The following KLHL13 variants were observed in gnomAD, a reference collection of about 807,000 sequenced individuals.
The protein encoded by KLHL13 is kelch like family member 13, also known as kelch-like protein 13.
A neutral mutation model predicts 37.1 loss-of-function variants in KLHL13; 10 were observed. That is an observed-to-expected ratio of 0.27 (90% CI 0.17 to 0.46). The LOEUF (loss-of-function observed/expected upper bound fraction) is 0.46. Among genes scored for constraint, KLHL13 ranks in the 20% least tolerant of loss-of-function variants. The pLI, the probability that KLHL13 is intolerant of heterozygous loss-of-function variation, is 1.00. For missense variants in KLHL13, 360 were observed against 509.3 expected, an observed-to-expected ratio of 0.71 and a Z score of 2.82; for synonymous variants, 163 against 181.2, an observed-to-expected ratio of 0.90 and a Z score of 0.81.
Position 118,067,758 on chromosome X carries a change from C to T in KLHL13, c.-56+48750G>A, listed in dbSNP as rs911892482. Among the ~76,000 whole-genome samples, 4 of 110,939 alleles carry T rather than the reference C, an allele frequency of 3.6e-5. No individual in the cohort carries two copies. In the Admixed American group the frequency reaches 3.9e-4, roughly 11 times the overall value. Reference sequence around the variant, plus strand: ...ACTGGAAGGTCTTCAGGGGCAATAACGTGCATGGAGCTGTCATCTCCTATG... The same window carrying T: ...ACTGGAAGGTCTTCAGGGGCAATAATGTGCATGGAGCTGTCATCTCCTATG... On this transcript the variant is annotated intron_variant, in intron 1 of 6. Transcript: ENST00000371882.
intron 1 of KLHL13, among the ~76,000 whole-genome samples, chrX:118,091,556 G>C (rs1222703308): frequency 3.6e-5 from 4 of 110,970 alleles, no homozygotes; most frequent in Non-Finnish European, 3.8e-5. Flanking sequence ...AAAAATCAGT[G>C]AACTGTAAAA....
At chrX:118,032,085 G>A (rs1336333984) in intron 1 of KLHL13, among the ~76,000 whole-genome samples, 1 of 111,361 alleles carries the variant, frequency 9.0e-6, no homozygotes, top group African/African-American at 3.3e-5. Flanking sequence ...TGGCTCAGAG[G>A]GTCCTAGGCC....
chrX:118,095,908 C>G (rs1716897916), intron 1 of KLHL13, among the ~76,000 whole-genome samples: 2 of 111,748 alleles, frequency 1.8e-5, no homozygotes, highest in Admixed American at 1.9e-4. Flanking sequence ...ATACCAGAAT[C>G]TCTGGGACAC....
At chrX:118,029,313 A>C (rs947526025) in intron 1 of KLHL13, among the ~76,000 whole-genome samples, 3 of 111,669 alleles carry the variant, frequency 2.7e-5, no homozygotes, top group Non-Finnish European at 5.6e-5. Context: ...CAGGGAACAC[A>C]ATTTTAGAAT....
intron 1 of KLHL13, among the ~76,000 whole-genome samples, chrX:118,020,319 C>T (rs923948148): frequency 9.0e-6 from 1 of 111,558 alleles, no homozygotes; most frequent in African/African-American, 3.3e-5. Context: ...TATAAGAATA[C>T]TTGTGATTTT....
intron 1 of KLHL13, among the ~76,000 whole-genome samples, chrX:118,103,096 A>G (rs2055308237): frequency 8.9e-6 from 1 of 112,072 alleles, no homozygotes; most frequent in Non-Finnish European, 1.9e-5. Context: ...AAAAGGTAGC[A>G]TCATACATAT....
At chrX:118,110,035 T>C (rs1335973474) in intron 1 of KLHL13, among the ~76,000 whole-genome samples, 1 of 111,020 alleles carries the variant, frequency 9.0e-6, no homozygotes, top group Non-Finnish European at 1.9e-5. Context: ...AATACACCAA[T>C]TGTGTATTGG....
At chrX:118,046,898 A>T (rs1483627597) in intron 1 of KLHL13, among the ~76,000 whole-genome samples, 1 of 111,981 alleles carries the variant, frequency 8.9e-6, no homozygotes, top group Non-Finnish European at 1.9e-5. Context: ...ACTTGATTTA[A>T]CAATTATAAT....
At chrX:118,076,329 T>C (rs1195064748) in intron 1 of KLHL13, among the ~76,000 whole-genome samples, 1 of 111,877 alleles carries the variant, frequency 8.9e-6, no homozygotes, top group African/African-American at 3.2e-5. Flanking sequence ...ACAAGATAAA[T>C]TATTATACAC....
At chrX:117,965,357 C>A (rs1325076165) in intron 1 of KLHL13, among the ~76,000 whole-genome samples, 1 of 111,999 alleles carries the variant, frequency 8.9e-6, no homozygotes, top group Non-Finnish European at 1.9e-5. Flanking sequence ...AGCATTTTTT[C>A]ATGTGTCTTT....
intron 2 of KLHL13, among the ~76,000 whole-genome samples, chrX:117,923,813 T>C (rs1311343534): frequency 8.9e-6 from 1 of 111,871 alleles, no homozygotes; most frequent in African/African-American, 3.2e-5. Flanking sequence ...GGAGCTTTTA[T>C]TCTTTTCACA....
intron 1 of KLHL13, 90 bp downstream of exon 1, chrX:118,116,418 C>A (rs147637409): frequency 0.04 from 4,546 of 112,846 alleles, 230 homozygotes; most frequent in African/African-American, 0.14. Flanking sequence ...TGGTACAGAT[C>A]GCAACTCCTC....
intron 1 of KLHL13, among the ~76,000 whole-genome samples, chrX:117,999,018 A>G (rs1262910301): frequency 2.7e-5 from 3 of 111,216 alleles, no homozygotes; most frequent in African/African-American, 9.8e-5. Context: ...CACCATTGTC[A>G]AAGTACTTCC....
chrX:117,939,989 T>G (rs1932936408), intron 2 of KLHL13, among the ~76,000 whole-genome samples: 1 of 112,076 alleles, frequency 8.9e-6, no homozygotes, highest in Admixed American at 9.5e-5. Flanking sequence ...CCATTGCTTT[T>G]GGTGTGTTAG....
rs6646035 is a variant in KLHL13, at chrX:118,026,089, A to T, written c.-55-80514T>A. On this transcript the variant is annotated intron_variant, in intron 1 of 6. Coordinates refer to the KLHL13 transcript ENST00000371882. ...AGGCACCCATCATGTTATTTCTCTA[A>T]TTGGATTATTATGGAAAATTCCTTC... Among the ~76,000 whole-genome samples, 780 of 111,301 alleles carry T rather than the reference A, an allele frequency of 7.0e-3. 6 individuals are homozygous for T. The highest frequency in any genetic ancestry group is 0.022 in the African/African-American group (688 of 30,691).
intron 2 of KLHL13, among the ~76,000 whole-genome samples, chrX:117,941,191 A>G (rs1330606104): frequency 8.9e-6 from 1 of 111,788 alleles, no homozygotes; most frequent in Non-Finnish European, 1.9e-5. Context: ...TTCTGCATCT[A>G]TTGAGAAAAT....
chrX:117,953,563 A>T (rs1162698251), intron 1 of KLHL13, among the ~76,000 whole-genome samples: 1 of 111,074 alleles, frequency 9.0e-6, no homozygotes, highest in Non-Finnish European at 1.9e-5. Flanking sequence ...TAGTAATAAA[A>T]TAAAATAAAA....
At chrX:118,026,408 C>G (rs1025110382) in intron 1 of KLHL13, among the ~76,000 whole-genome samples, 2 of 110,984 alleles carry the variant, frequency 1.8e-5, no homozygotes, top group Admixed American at 9.7e-5. Flanking sequence ...TGAACAGGAC[C>G]CAGTTTGAAG....
chrX:118,069,442 A>C (rs1416841161), intron 1 of KLHL13, among the ~76,000 whole-genome samples: 1 of 78,277 alleles, frequency 1.3e-5, no homozygotes, highest in Non-Finnish European at 2.4e-5. Flanking sequence ...AAAAAAAAAC[A>C]ATTTTAAAAA....
Sources: allele counts gnomAD v4.1 joint callset (sites outside exome capture counted in the v4.1 genomes callset), GRCh38; gene constraint gnomAD v4.1.1; transcripts MANE v1.5; gene names NCBI Gene and HGNC (gene_info 2026-07-23, HGNC 2026-07-21).